INPP4B: variants seen among roughly 807,000 people sequenced by gnomAD.
INPP4B encodes inositol polyphosphate 4-phosphatase type II.
In INPP4B, 55 loss-of-function variants were observed where a neutral mutation model predicts 122.5. That is an observed-to-expected ratio of 0.45 (90% CI 0.36 to 0.56). The LOEUF (loss-of-function observed/expected upper bound fraction) is 0.56. Ranked by LOEUF, INPP4B falls within the 20% of genes least tolerant of loss-of-function variation. The pLI, the probability that INPP4B is intolerant of heterozygous loss-of-function variation, is 0.00. For missense variants in INPP4B, 1,000 were observed against 1,097.7 expected (o/e 0.91, Z 1.26); for synonymous variants, 403 against 388.7 (o/e 1.04, Z -0.43).
chr4:142,800,621 T>C (rs1777882361), intron 1 of INPP4B, among the ~76,000 whole-genome samples: 2 of 152,288 alleles, frequency 1.3e-5, no homozygotes, highest in South Asian at 4.1e-4. Context: ...CTTAGTATTT[T>C]AAGTTCTAAA....
chr4:142,043,629 A>G (rs1252848848), intron 25 of INPP4B, among the ~76,000 whole-genome samples: 1 of 9,380 alleles, frequency 1.1e-4, no homozygotes, highest in Non-Finnish European at 2.0e-3. Context: ...ATGAGGAGGC[A>G]AAAAAAAAAT....
chr4:142,233,929 C>T (rs1855550042), intron 12 of INPP4B, among the ~76,000 whole-genome samples: 2 of 152,094 alleles, frequency 1.3e-5, no homozygotes, highest in South Asian at 2.1e-4. Flanking sequence ...TGAGCTCTTG[C>T]ATATGTAAGT....
At chr4:142,105,054 A>G (rs1410457613) in intron 23 of INPP4B, among the ~76,000 whole-genome samples, 3 of 152,122 alleles carry the variant, frequency 2.0e-5, no homozygotes, top group East Asian at 1.9e-4. Context: ...TGGGATTCCT[A>G]TATGTGGCCT....
chr4:142,208,473 T>C lies in INPP4B; in HGVS notation c.1024A>G (p.Ile342Val), dbSNP rs529728193. ...KGEKTLEFVP[I>V]NLHLQRMQVH... ...TGCATTCTTTGCAGATGTAGATTTA[T>C]TGGAACAAATTCTAATGTTTTCTCT... The change falls in exon 14 of 26, where the codon ATA becomes GTA. Residue 342 changes from isoleucine (I) to valine (V), a missense_variant. Physicochemically the swap from Ile to Val is conservative, Grantham distance 29 (BLOSUM62 3). Transcript: ENST00000262992. The C allele has an allele frequency of 4.4e-6, 7 of 1,602,660 alleles. No homozygotes were observed. Among genetic ancestry groups the C allele is most frequent in the South Asian group, 3.4e-5 (3 of 89,434 alleles).
intron 25 of INPP4B, among the ~76,000 whole-genome samples, chr4:142,039,719 G>C (rs1746139217): frequency 6.6e-6 from 1 of 151,754 alleles, no homozygotes; most frequent in South Asian, 2.1e-4. Flanking sequence ...AAAATATTTG[G>C]ATCAAGTCTA....
Position 142,160,464 on chromosome 4 carries a change from G to C in INPP4B, c.1457C>G (p.Pro486Arg), listed in dbSNP as rs751748652. Residue 486 changes from proline (P) to arginine (R), a missense_variant, in exon 17 of 26, where the codon CCC becomes CGC. Physicochemically the swap from Pro to Arg is moderately radical, Grantham distance 103. Transcript: ENST00000262992. ...ARPGGILKKPPSPKSSTEESS... is the reference protein window; with the variant it reads ...ARPGGILKKPRSPKSSTEESS... ...CTCCTCTGTGCTGCTCTTAGGAGAG[G>C]GTGGCTTCTTAAGAATGCCTCCTGG... The C allele has an allele frequency of 2.5e-6, 4 of 1,612,458 alleles. No homozygotes were observed. The highest frequency in any genetic ancestry group is 1.7e-6 in the Non-Finnish European group (2 of 1,179,080).
At chr4:142,616,029 G>A (rs1250948101) in intron 2 of INPP4B, among the ~76,000 whole-genome samples, 1 of 152,144 alleles carries the variant, frequency 6.6e-6, no homozygotes, top group Non-Finnish European at 1.5e-5. Flanking sequence ...TGGGAGAGAT[G>A]TATGGACTCA....
chr4:142,554,365 TAAAAA>T (rs11363091), intron 2 of INPP4B, among the ~76,000 whole-genome samples: 4 of 123,520 alleles, frequency 3.2e-5, no homozygotes, highest in Non-Finnish European at 6.6e-5. Flanking sequence ...CTTGCAATAG[TAAAAA>T]AAAAAAAAAA....
chr4:142,570,473 G>A (rs530075318), intron 2 of INPP4B, among the ~76,000 whole-genome samples: 1 of 151,808 alleles, frequency 6.6e-6, no homozygotes, highest in Non-Finnish European at 1.5e-5. Context: ...CAAATGGAAA[G>A]TTTGGTTGAA....
At chr4:142,831,907 A>G (rs1165182471) in intron 1 of INPP4B, among the ~76,000 whole-genome samples, 2 of 152,166 alleles carry the variant, frequency 1.3e-5, no homozygotes, top group Non-Finnish European at 2.9e-5. Context: ...ATAAATTCCC[A>G]TGGTATCTGC....
intron 7 of INPP4B, among the ~76,000 whole-genome samples, chr4:142,334,999 C>CA (rs1776065754): frequency 6.6e-6 from 1 of 150,550 alleles, no homozygotes; most frequent in Non-Finnish European, 1.5e-5. Flanking sequence ...CTGGGGCAAA[C>CA]ACTCCCCTGA....
chr4:142,689,885 T>C (rs1759915898), intron 2 of INPP4B, among the ~76,000 whole-genome samples: 1 of 152,194 alleles, frequency 6.6e-6, no homozygotes, highest in African/African-American at 2.4e-5. Flanking sequence ...TCTCACTAAG[T>C]ACTAAGTTCT....
intron 14 of INPP4B, among the ~76,000 whole-genome samples, chr4:142,205,843 T>C (rs1042043326): frequency 2.0e-5 from 3 of 152,138 alleles, no homozygotes. Flanking sequence ...CTTTAATACT[T>C]GTAACACTTT....
chr4:142,795,389 C>A (rs1777092793), intron 1 of INPP4B: 1 of 151,918 alleles, frequency 6.6e-6, no homozygotes, highest in Non-Finnish European at 1.5e-5. Flanking sequence ...CTTTCTTAAC[C>A]TGAGTGGTGG....
At chr4:142,301,003 C>T (rs1009816121) in intron 9 of INPP4B, among the ~76,000 whole-genome samples, 1 of 152,172 alleles carries the variant, frequency 6.6e-6, no homozygotes, top group East Asian at 1.9e-4. Context: ...ATAAAGTCCT[C>T]GTTAAGATGA....
chr4:142,703,702 T>C (rs1762101279), intron 2 of INPP4B, among the ~76,000 whole-genome samples: 1 of 152,186 alleles, frequency 6.6e-6, no homozygotes, highest in African/African-American at 2.4e-5. Flanking sequence ...CCCAAAGAAT[T>C]AGTTCATCCT....
intron 15 of INPP4B, among the ~76,000 whole-genome samples, chr4:142,182,787 A>G (rs1231078448): frequency 6.6e-6 from 1 of 152,042 alleles, no homozygotes; most frequent in Non-Finnish European, 1.5e-5. Flanking sequence ...GGCTCCCTCA[A>G]GCCCTCAGCC....
chr4:142,066,763 C>T (rs1034208774), intron 25 of INPP4B, among the ~76,000 whole-genome samples: 2 of 152,144 alleles, frequency 1.3e-5, no homozygotes, highest in Non-Finnish European at 1.5e-5. Context: ...AAGGCAGCAG[C>T]GAGGCTGAGG....
intron 23 of INPP4B, among the ~76,000 whole-genome samples, chr4:142,101,793 A>T (rs1244962804): frequency 6.6e-6 from 1 of 152,168 alleles, no homozygotes; most frequent in Non-Finnish European, 1.5e-5. Context: ...TTTTGAAAAC[A>T]AAATCTAATA....
Sources: allele counts gnomAD v4.1 joint callset (sites outside exome capture counted in the v4.1 genomes callset), GRCh38; gene constraint gnomAD v4.1.1; transcripts MANE v1.5; gene names NCBI Gene and HGNC (gene_info 2026-07-23, HGNC 2026-07-21).